The following RFC5 variants were observed in gnomAD, a reference collection of about 807,000 sequenced individuals.
The protein encoded by RFC5 is replication factor C subunit 5.
RFC5 carries 26 observed loss-of-function variants against 44.3 expected under a neutral mutation model. That is an observed-to-expected ratio of 0.59 (90% confidence interval 0.43 to 0.81). RFC5 has a LOEUF of 0.81. RFC5 is among the 40% of genes least tolerant of loss of function. RFC5 has a pLI of 0.00. For synonymous variants in RFC5, 155 were observed against 155.2 expected (o/e 1.00, Z 0.01); for missense variants, 328 against 418.6 (o/e 0.78, Z 1.89).
At chr12:118,030,256 G>A (rs1396985958) in intron 10 of RFC5, among the ~76,000 whole-genome samples, 6 of 152,196 alleles carry the variant, frequency 3.9e-5, no homozygotes, top group Non-Finnish European at 5.9e-5. Context: ...CAGTGAAGCT[G>A]GCAGCTATCA....
chr12:118,034,574 G>GCGCTCTCTCTCTCTCTCTCTCTCTCT, downstream of RFC5: 1 of 528,460 alleles, frequency 1.9e-6, no homozygotes, highest in Non-Finnish European at 3.3e-6. Flanking sequence ...ATACCAAAGC[G>GCGCTCTCTCTCTCTCTCTCTCTCTCT]CTCTCTCTGT....
rs1300362966 is a variant in RFC5 at position 118,027,969 on chromosome 12, A to C, written c.810A>C (p.Lys270Asn). 6.2e-7 allele frequency: 1 copy of C among 1,608,818 alleles called. No individual in the cohort carries two copies. Among genetic ancestry groups the C allele is most frequent in the Non-Finnish European group, 8.5e-7 (1 of 1,175,468 alleles). The change falls in exon 9 of 11, where the codon AAA becomes AAC. Residue 270 changes from lysine (K) to asparagine (N), a missense_variant. Lys to Asn is a moderately conservative substitution (Grantham distance 94). Coordinates refer to ENST00000454402, the MANE Select transcript of RFC5 (RefSeq NM_007370.7). ...CTCCTCTAGATATTACAGAGTTGAA[A>C]ACTCTGAAGGGGTTGGCACTGCATG... is the stretch of plus-strand genomic sequence containing the variant. ...TTAYRNITELKTLKGLALHDI... is the reference protein window; with the variant it reads ...TTAYRNITELNTLKGLALHDI...
Position 118,025,848 on chromosome 12 carries a change from CTTTTTTTTT to C in RFC5, c.663+30_663+38del. On this transcript the variant is annotated intron_variant, in intron 7 of 10. Transcript: ENST00000454402. The stretch of plus-strand genomic sequence containing the variant: ...TTGCAGGTATGGTCTCAAGCAAATC[CTTTTTTTTT>C]TTTTTTTTTGAGACAGAGTCTTGCT... 9.9e-7 allele frequency: 1 copy of C among 1,009,346 alleles called. No individual in the cohort carries two copies. The highest frequency in any genetic ancestry group is 1.5e-6 in the Non-Finnish European group (1 of 680,720). 62.5% of individuals were successfully genotyped at this position (1,009,346 alleles called of 1,614,324 possible).
At chr12:118,027,734 G>A (rs1312004304) in intron 8 of RFC5, among the ~76,000 whole-genome samples, 1 of 151,846 alleles carries the variant, frequency 6.6e-6, no homozygotes, top group Non-Finnish European at 1.5e-5. Context: ...CTACTAGAAG[G>A]AGTTACAACT....
the RFC5 span, among the ~76,000 whole-genome samples, chr12:118,038,698 G>A: frequency 6.6e-6 from 1 of 152,096 alleles, no homozygotes; most frequent in Non-Finnish European, 1.5e-5. Flanking sequence ...TTTCTGAGAT[G>A]GAGTCTTGCT....
intron 1 of RFC5, chr12:118,017,803 G>A (rs2030197839): frequency 1.5e-6 from 1 of 672,598 alleles, no homozygotes; most frequent in Non-Finnish European, 2.7e-6. Context: ...CCGAAGAACT[G>A]GGACTTTTAG....
At position 118,025,612 on chromosome 12, in the gene RFC5, CAGG is replaced by C; in HGVS notation, c.582-132_582-130del. Reference sequence around the variant, plus strand: ...AGAGTGAATTCTAGATCATATAGATCAGGAGATTATTAACTCTGTTCCTCTCCT... The same window carrying C: ...AGAGTGAATTCTAGATCATATAGATCAGATTATTAACTCTGTTCCTCTCCT... On this transcript the variant is annotated intron_variant, in intron 6 of 10. Transcript: ENST00000454402. The C allele has an allele frequency of 9.7e-6, 6 of 619,816 alleles. No homozygotes were observed. The South Asian group carries it at 1.2e-4, about 12-fold the overall frequency. 38.4% of individuals were successfully genotyped at this position (619,816 alleles called of 1,614,324 possible). A position where few individuals can be genotyped will look rare whatever the true frequency, so the allele number is the denominator to read the frequency against.
downstream of RFC5, chr12:118,035,169 C>G (rs1162959936): frequency 1.2e-6 from 2 of 1,612,808 alleles, no homozygotes; most frequent in Non-Finnish European, 8.5e-7. Flanking sequence ...CCATTACTTG[C>G]AAGCACTTGT....
At chr12:118,025,356 C>T (rs2030862721) in intron 6 of RFC5, 2 of 329,776 alleles carry the variant, frequency 6.1e-6, no homozygotes, top group South Asian at 1.1e-4. Flanking sequence ...GGTTCTAAGA[C>T]ATCACATTCT....
At chr12:118,030,838 C>CG (rs1288828584) in intron 10 of RFC5, among the ~76,000 whole-genome samples, 1 of 152,068 alleles carries the variant, frequency 6.6e-6, no homozygotes, top group East Asian at 1.9e-4. Context: ...TTTGTAGAGA[C>CG]GGGGGTTTCA....
downstream of RFC5, chr12:118,033,946 T>A: frequency 2.0e-6 from 1 of 499,798 alleles, no homozygotes. Context: ...TGTTCATAAC[T>A]GGACTGAAAA....
intron 6 of RFC5, chr12:118,025,468 C>A: frequency 2.4e-6 from 1 of 413,522 alleles, no homozygotes; most frequent in South Asian, 4.1e-5. Flanking sequence ...CTCTGTCCTC[C>A]CCAGAGAGCA....
At chr12:118,026,782 G>A in intron 7 of RFC5, 107 bp from the exon 8 acceptor site, 4 of 1,241,838 alleles carry the variant, frequency 3.2e-6, no homozygotes, top group African/African-American at 1.5e-5. Flanking sequence ...ATAGAACTTT[G>A]CTGCTCACCT....
chr12:118,017,940 C>T (rs2030209531), intron 1 of RFC5: 3 of 682,402 alleles, frequency 4.4e-6, no homozygotes, highest in Non-Finnish European at 8.0e-6. Flanking sequence ...TTCATCACCC[C>T]AAATGGAAAT....
At chr12:118,035,656 G>C (rs2031494581), downstream of RFC5, 1 of 213,190 alleles carries the variant, frequency 4.7e-6, no homozygotes, top group Admixed American at 5.2e-5. Flanking sequence ...CCTATTATTT[G>C]CTTCATAAAA....
rs1364415763 is a variant in RFC5 at position 118,031,514 on chromosome 12, T to G, written c.*236T>G. ...ATTAACTCATACTGCCTGTCTTTTA[T>G]AGGGGAAAAAAATAACCTTTTTTAT... On this transcript the variant is annotated 3_prime_UTR_variant, in exon 11 of 11. Transcript: ENST00000454402. The G allele has an allele frequency of 3.1e-6, 1 of 321,914 alleles. No individual in the cohort carries two copies. The highest frequency in any genetic ancestry group is 2.1e-5 in the African/African-American group (1 of 46,814). The allele number at this position is 321,914 out of a possible 1,614,324, so 19.9% of individuals were successfully genotyped here. A position where few individuals can be genotyped will look rare whatever the true frequency, so the allele number is the denominator to read the frequency against.
chr12:118,033,213 C>T (rs1044662984), downstream of RFC5: 2 of 152,176 alleles, frequency 1.3e-5, no homozygotes, highest in African/African-American at 2.4e-5. Context: ...ATTTTTGTTT[C>T]GCAGTAGAGT....
At chr12:118,033,723 A>G (rs1464103737), downstream of RFC5, 1 of 155,570 alleles carries the variant, frequency 6.4e-6, no homozygotes, top group Non-Finnish European at 1.4e-5. Context: ...CATCGAAGCA[A>G]CTCTGACCAC....
At chr12:118,027,742 A>G (rs1295739435) in intron 8 of RFC5, among the ~76,000 whole-genome samples, 1 of 152,118 alleles carries the variant, frequency 6.6e-6, no homozygotes, top group African/African-American at 2.4e-5. Context: ...AGGAGTTACA[A>G]CTCTATCTTT....
Sources: allele counts gnomAD v4.1 joint callset (sites outside exome capture counted in the v4.1 genomes callset), GRCh38; gene constraint gnomAD v4.1.1; transcripts MANE v1.5; gene names NCBI Gene and HGNC (gene_info 2026-07-23, HGNC 2026-07-21).